PTPRD: variants seen among roughly 807,000 people sequenced by gnomAD.
PTPRD encodes receptor-type tyrosine-protein phosphatase delta.
A neutral mutation model predicts 214.5 loss-of-function variants in PTPRD; 34 were observed. That is an observed-to-expected ratio of 0.16 (90% CI 0.12 to 0.21). The LOEUF is 0.21. PTPRD is among the 10% of genes least tolerant of loss of function. PTPRD has a pLI of 1.00. For missense variants in PTPRD, 2,545 were observed against 2,398.7 expected (o/e 1.06, Z -1.27); for synonymous variants, 1,128 against 845.7 (o/e 1.33, Z -5.79).
intron 9 of PTPRD, among the ~76,000 whole-genome samples, chr9:9,385,122 A>G (rs961308464): frequency 1.3e-5 from 2 of 152,158 alleles, no homozygotes; most frequent in Non-Finnish European, 2.9e-5. Flanking sequence ...TGTAGACATA[A>G]TATCAACAGA....
chr9:9,146,608 G>A (rs1371784215), intron 10 of PTPRD, among the ~76,000 whole-genome samples: 1 of 152,110 alleles, frequency 6.6e-6, no homozygotes, highest in African/African-American at 2.4e-5. Context: ...GGACCTTGGA[G>A]ATTATTGCAT....
At chr9:10,202,445 T>C (rs1162613386) in intron 3 of PTPRD, among the ~76,000 whole-genome samples, 1 of 150,910 alleles carries the variant, frequency 6.6e-6, no homozygotes, top group East Asian at 1.9e-4. Flanking sequence ...CTGTTGTAAG[T>C]ACAGGGCTGG....
Position 8,898,195 on chromosome 9 carries a change from A to T in PTPRD, c.-104+120502T>A, listed in dbSNP as rs117641759. ...TGTAGGACATTATCCATTTTTACTC[A>T]TATTCTCTTTTATATAAGGATGTGT... On this transcript the variant is annotated intron_variant, in intron 11 of 45. Transcript: ENST00000381196. Among the ~76,000 whole-genome samples the T allele has an allele frequency of 4.1e-3, 624 of 151,964 alleles. 1 individual carries two copies. The highest frequency in any genetic ancestry group is 6.7e-3 in the Non-Finnish European group (456 of 67,968).
chr9:8,772,045 G>C (rs894358083), intron 11 of PTPRD, among the ~76,000 whole-genome samples: 1 of 151,908 alleles, frequency 6.6e-6, no homozygotes, highest in African/African-American at 2.4e-5. Flanking sequence ...TTATATGCCT[G>C]TAAAAACTAT....
intron 5 of PTPRD, among the ~76,000 whole-genome samples, chr9:9,779,559 C>T (rs1344535121): frequency 1.3e-5 from 2 of 152,102 alleles, no homozygotes; most frequent in Non-Finnish European, 1.5e-5. Context: ...TGTGAACAGA[C>T]ACTTCACAAA....
chr9:8,801,051 G>C (rs1372994976), intron 11 of PTPRD, among the ~76,000 whole-genome samples: 2 of 152,100 alleles, frequency 1.3e-5, no homozygotes, highest in African/African-American at 2.4e-5. Context: ...TTTTTGCAAG[G>C]ATTAAGATGT....
chr9:9,052,450 C>A (rs191662213), intron 10 of PTPRD, among the ~76,000 whole-genome samples: 40 of 152,314 alleles, frequency 2.6e-4, no homozygotes, highest in African/African-American at 9.6e-4. Context: ...GTGTCCCATA[C>A]ATCCTTCCTT....
chr9:10,526,342 A>T (rs2054277969), intron 2 of PTPRD, among the ~76,000 whole-genome samples: 1 of 152,150 alleles, frequency 6.6e-6, no homozygotes, highest in South Asian at 2.1e-4. Flanking sequence ...ATATTGCTAA[A>T]GTGTGGCTAT....
intron 9 of PTPRD, among the ~76,000 whole-genome samples, chr9:9,199,118 C>T (rs1315038643): frequency 6.6e-6 from 1 of 151,918 alleles, no homozygotes; most frequent in East Asian, 1.9e-4. Context: ...GATGAGTGCA[C>T]AAGGAGACAC....
chr9:10,349,285 C>T (rs768223451), intron 2 of PTPRD, among the ~76,000 whole-genome samples: 6 of 151,486 alleles, frequency 4.0e-5, no homozygotes, highest in Non-Finnish European at 5.9e-5. Flanking sequence ...TTAACTTTGG[C>T]AAATAAACCT....
chr9:9,062,218 G>C (rs1424712327), intron 10 of PTPRD, among the ~76,000 whole-genome samples: 1 of 152,052 alleles, frequency 6.6e-6, no homozygotes, highest in Non-Finnish European at 1.5e-5. Flanking sequence ...AAAACAAGTA[G>C]AATTACATGT....
At chr9:8,395,411 C>T (rs572511635) in intron 36 of PTPRD, among the ~76,000 whole-genome samples, 6 of 151,628 alleles carry the variant, frequency 4.0e-5, no homozygotes, top group South Asian at 2.1e-4. Flanking sequence ...TAAACATTTA[C>T]AAGCAAATTG....
intron 2 of PTPRD, among the ~76,000 whole-genome samples, chr9:10,519,242 C>A (rs939549146): frequency 7.8e-6 from 1 of 128,956 alleles, no homozygotes; most frequent in East Asian, 2.2e-4. Context: ...AGAAGAACTC[C>A]TCTCATTTCC....
chr9:8,933,341 T>TTTTTG (rs2098967176), intron 11 of PTPRD, among the ~76,000 whole-genome samples: 3 of 59,130 alleles, frequency 5.1e-5, no homozygotes, highest in South Asian at 7.0e-4. Flanking sequence ...AACCTTGAGG[T>TTTTTG]TTTTTTTTTT....
intron 10 of PTPRD, among the ~76,000 whole-genome samples, chr9:9,033,915 G>A (rs993069821): frequency 1.9e-4 from 29 of 152,132 alleles, no homozygotes; most frequent in African/African-American, 6.7e-4. Flanking sequence ...CAAACAATAG[G>A]ATTGATTAAA....
intron 9 of PTPRD, among the ~76,000 whole-genome samples, chr9:9,378,412 C>A (rs1248440915): frequency 6.6e-6 from 1 of 152,074 alleles, no homozygotes; most frequent in Non-Finnish European, 1.5e-5. Flanking sequence ...CACAGTTTAT[C>A]CATTCACCTA....
At chr9:10,371,690 T>C (rs997847136) in intron 2 of PTPRD, among the ~76,000 whole-genome samples, 7 of 152,116 alleles carry the variant, frequency 4.6e-5, no homozygotes, top group African/African-American at 1.4e-4. Flanking sequence ...CTGACAAATA[T>C]ACACATGAAG....
chr9:8,771,496 G>C (rs2095210216), intron 11 of PTPRD, among the ~76,000 whole-genome samples: 1 of 152,162 alleles, frequency 6.6e-6, no homozygotes, highest in Admixed American at 6.5e-5. Flanking sequence ...GTCTAAGTCA[G>C]TGTAGTATAG....
rs374768739 is a variant in PTPRD at position 8,365,953 on chromosome 9, C to T, written c.4661+9983G>A. Among the ~76,000 whole-genome samples the T allele has an allele frequency of 2.0e-5, 3 of 152,296 alleles. No homozygotes were observed. The East Asian group carries it at 5.8e-4, about 29-fold the overall frequency. The stretch of plus-strand genomic sequence containing the variant: ...CAGACTTGCGAGAAAAAACAAATTA[C>T]TGTGGTTTTAAGCCACAGTGTTTTG... On this transcript the variant is annotated intron_variant, in intron 39 of 45. Coordinates refer to ENST00000381196, the MANE Select transcript of PTPRD (RefSeq NM_002839.4).
Sources: allele counts gnomAD v4.1 joint callset (sites outside exome capture counted in the v4.1 genomes callset), GRCh38; gene constraint gnomAD v4.1.1; transcripts MANE v1.5; gene names NCBI Gene and HGNC (gene_info 2026-07-23, HGNC 2026-07-21).